Variants in SLAIN2 observed in about 807,000 individuals in gnomAD.
SLAIN2 encodes SLAIN motif-containing protein 2.
SLAIN2 carries 31 observed loss-of-function variants against 56.6 expected under a neutral mutation model. The ratio of observed to expected loss-of-function variants is 0.55; its 90% CI spans 0.41 to 0.74. SLAIN2 has a LOEUF of 0.74. SLAIN2 is among the 30% of genes least tolerant of loss of function. SLAIN2 has a pLI of 0.00. For missense variants in SLAIN2, 777 were observed against 754.2 expected (o/e 1.03, Z -0.35); for synonymous variants, 317 against 284.9 (o/e 1.11, Z -1.13).
At chr4:48,362,295 A>C (rs952641344) in intron 1 of SLAIN2, among the ~76,000 whole-genome samples, 1 of 152,146 alleles carries the variant, frequency 6.6e-6, no homozygotes, top group African/African-American at 2.4e-5. Flanking sequence ...TGGTATTGGC[A>C]TTATTTCCTT....
Position 48,349,652 on chromosome 4 carries a change from T to TA in SLAIN2, c.389+7530dup, listed in dbSNP as rs1274730280. 3.9e-5 allele frequency among the ~76,000 whole-genome samples: 6 copies of TA among 152,334 alleles called. No homozygotes were observed. The East Asian group carries it at 1.2e-3, about 29-fold the overall frequency. ...TAAGACATGAATTGCTTTTAGAATT[T>TA]AAAAAATCCTATTGATAAAATTTAA... On this transcript the variant is annotated intron_variant, in intron 1 of 7. Coordinates refer to ENST00000264313, the MANE Select transcript of SLAIN2 (RefSeq NM_020846.2).
At chr4:48,410,505 A>G (rs764578159) in intron 6 of SLAIN2, among the ~76,000 whole-genome samples, 1 of 152,128 alleles carries the variant, frequency 6.6e-6, no homozygotes, top group South Asian at 2.1e-4. Flanking sequence ...ATCAGTGCCT[A>G]ACCCTAGTCA....
chr4:48,379,811 A>C lies in SLAIN2; in HGVS notation c.825A>C (p.Val275=). 6.3e-7 allele frequency: 1 copy of C among 1,586,330 alleles called. No individual in the cohort carries two copies. Among genetic ancestry groups the C allele is most frequent in the Non-Finnish European group, 8.5e-7 (1 of 1,170,410 alleles). Reference sequence around the variant, plus strand: ...GATCCAATTATAAGCTAAATGATGTAACTGATGTACAGATTCTAGCCCGGA... The same window carrying C: ...GATCCAATTATAAGCTAAATGATGTCACTGATGTACAGATTCTAGCCCGGA... ...SIGSNYKLND[V]TDVQILARMQ... is the part of the protein sequence containing the mutation. The change falls in exon 4 of 8, where the codon GTA becomes GTC. Residue 275 remains valine, a synonymous_variant. Transcript: ENST00000264313.
intron 6 of SLAIN2, chr4:48,387,474 T>G (rs1010783745): frequency 1.4e-4 from 22 of 151,968 alleles, no homozygotes; most frequent in African/African-American, 5.1e-4. Context: ...AAAGTATGTA[T>G]GCAATTTCAT....
At chr4:48,374,857 G>A (rs1458529642) in intron 2 of SLAIN2, among the ~76,000 whole-genome samples, 3 of 152,220 alleles carry the variant, frequency 2.0e-5, no homozygotes, top group Non-Finnish European at 4.4e-5. Flanking sequence ...TCTGCGACAA[G>A]ATGAATATTG....
chr4:48,396,143 T>C (rs1430213244), intron 6 of SLAIN2, among the ~76,000 whole-genome samples: 1 of 152,136 alleles, frequency 6.6e-6, no homozygotes, highest in East Asian at 1.9e-4. Context: ...TTACATTATT[T>C]TTATCACTCC....
chr4:48,413,390 T>A (rs796920746), intron 6 of SLAIN2, among the ~76,000 whole-genome samples: 11 of 152,340 alleles, frequency 7.2e-5, no homozygotes, highest in African/African-American at 2.6e-4. Context: ...TGTGGTAATT[T>A]CCCTTATCCA....
chr4:48,349,617 A>C (rs970899481), intron 1 of SLAIN2, among the ~76,000 whole-genome samples: 1 of 152,208 alleles, frequency 6.6e-6, no homozygotes, highest in East Asian at 1.9e-4. Flanking sequence ...GTGATTTCCA[A>C]GTTTTCTGAT....
chr4:48,411,558 TTATCTGGAATGTCCCTGTTCTGC>T (rs1381978262), intron 6 of SLAIN2, among the ~76,000 whole-genome samples: 1 of 152,150 alleles, frequency 6.6e-6, no homozygotes, highest in Non-Finnish European at 1.5e-5. Context: ...TCATTTTCCT[TTATCTGGAATGTCCCTGTTCTGC>T]TCTATTTGGA....
intron 6 of SLAIN2, among the ~76,000 whole-genome samples, chr4:48,400,388 C>CTT (rs3081372): frequency 2.1e-5 from 2 of 96,444 alleles, no homozygotes; most frequent in African/African-American, 8.5e-5. Context: ...TTTGATTCTT[C>CTT]TTTTTTTTTT....
At position 48,395,289 on chromosome 4, in the gene SLAIN2, C is replaced by T. The variant is rs573128626; in HGVS notation, c.1360+11505C>T. Reference sequence around the variant, plus strand: ...CAGTAATAAAAACAAACAGAGGCCTCAAAGGAAATGGTATGAAACAAAGAG... The same window carrying T: ...CAGTAATAAAAACAAACAGAGGCCTTAAAGGAAATGGTATGAAACAAAGAG... On this transcript the variant is annotated intron_variant, in intron 6 of 7. Coordinates refer to ENST00000264313, the MANE Select transcript of SLAIN2 (RefSeq NM_020846.2). 3.3e-5 allele frequency among the ~76,000 whole-genome samples: 5 copies of T among 151,818 alleles called. No individual in the cohort carries two copies. The South Asian group carries it at 1.0e-3, about 32-fold the overall frequency.
chr4:48,402,425 C>T (rs142266409), intron 6 of SLAIN2, among the ~76,000 whole-genome samples: 24 of 152,242 alleles, frequency 1.6e-4, no homozygotes, highest in African/African-American at 4.6e-4. Context: ...AGTCATTCAT[C>T]GGTTTGGCCT....
chr4:48,391,937 C>G (rs1196470709), intron 6 of SLAIN2, among the ~76,000 whole-genome samples: 1 of 152,180 alleles, frequency 6.6e-6, no homozygotes, highest in Non-Finnish European at 1.5e-5. Flanking sequence ...GCACTAGCAT[C>G]TTTGCTTCTC....
chr4:48,365,463 A>AG (rs1429127161), intron 1 of SLAIN2, among the ~76,000 whole-genome samples: 1 of 151,384 alleles, frequency 6.6e-6, no homozygotes, highest in Non-Finnish European at 1.5e-5. Context: ...AAAAAAAAAA[A>AG]AAGCACTTTT....
In SLAIN2 at chr4:48,382,896, A is replaced by G. The variant is rs753100724; in HGVS notation, c.1191A>G (p.Thr397=). ...QPRLSLQGHP[T]DLQTSNVKNE... is the part of the protein sequence containing the mutation. ...GCCTTTCACTTCAAGGCCATCCCAC[A>G]GATTTACAGACAAGCAATGTTAAAA... The change falls in exon 5 of 8, where the codon ACA becomes ACG. Residue 397 remains threonine (T), a synonymous_variant. Coordinates refer to ENST00000264313, the MANE Select transcript of SLAIN2 (RefSeq NM_020846.2). The G allele has an allele frequency of 2.5e-6, 4 of 1,611,534 alleles. No individual in the cohort carries two copies. Among genetic ancestry groups the G allele is most frequent in the South Asian group, 2.2e-5 (2 of 90,826 alleles).
chr4:48,370,063 G>A, intron 2 of SLAIN2, 66 bp downstream of exon 2: 1 of 1,510,076 alleles, frequency 6.6e-7, no homozygotes, highest in Non-Finnish European at 9.0e-7. Context: ...CATAAATATT[G>A]AGCATTGTGT....
chr4:48,363,762 C>A (rs1222700657), intron 1 of SLAIN2, among the ~76,000 whole-genome samples: 1 of 132,472 alleles, frequency 7.5e-6, no homozygotes, highest in African/African-American at 2.7e-5. Flanking sequence ...CCCCCCACCT[C>A]CCTCCCGGAC....
intron 5 of SLAIN2, 134 bp downstream of exon 5, chr4:48,383,061 G>T (rs947133882): frequency 5.6e-5 from 51 of 917,704 alleles, no homozygotes; most frequent in Non-Finnish European, 7.8e-5. Flanking sequence ...CTAGTGACTT[G>T]AGAGGCTGAG....
chr4:48,377,761 T>C (rs1234846628), intron 2 of SLAIN2, 135 bp from the exon 3 acceptor site: 14 of 819,628 alleles, frequency 1.7e-5, no homozygotes, highest in South Asian at 3.4e-5. Context: ...TTATATTTTT[T>C]CCCCCACTAC....
Sources: allele counts gnomAD v4.1 joint callset (sites outside exome capture counted in the v4.1 genomes callset), GRCh38; gene constraint gnomAD v4.1.1; transcripts MANE v1.5; gene names NCBI Gene and HGNC (gene_info 2026-07-23, HGNC 2026-07-21).